SEPTIN5: variants seen among roughly 807,000 people sequenced by gnomAD.
The protein encoded by SEPTIN5 is septin-5.
SEPTIN5 carries 16 observed loss-of-function variants against 51.2 expected under a neutral mutation model. The observed-to-expected ratio is 0.31, with a 90% confidence interval of 0.21 to 0.47. The LOEUF (loss-of-function observed/expected upper bound fraction) is 0.47. Ranked by LOEUF, SEPTIN5 falls within the 20% of genes least tolerant of loss-of-function variation. The pLI, the probability that SEPTIN5 is intolerant of heterozygous loss-of-function variation, is 0.99. For missense variants in SEPTIN5, 376 were observed against 500.3 expected, an observed-to-expected ratio of 0.75 and a Z score of 2.37; for synonymous variants, 208 against 191.2, an observed-to-expected ratio of 1.09 and a Z score of -0.72.
intron 2 of SEPTIN5, chr22:19,718,190 C>T (rs1178266931): frequency 1.3e-5 from 2 of 158,854 alleles, no homozygotes; most frequent in Non-Finnish European, 2.7e-5. Context: ...TACCGACTCC[C>T]GGCCCGCCCC....
chr22:19,718,906 C>A, intron 2 of SEPTIN5: 1 of 1,194,524 alleles, frequency 8.4e-7, no homozygotes. Flanking sequence ...CGCGCCACGG[C>A]CCGCCAGCGC....
intron 11 of SEPTIN5, 43 bp from the exon 12 acceptor site, chr22:19,722,385 C>T: frequency 6.3e-7 from 1 of 1,593,764 alleles, no homozygotes; most frequent in Non-Finnish European, 8.5e-7. Context: ...CAGGGATGCT[C>T]CTCCGCGGTG....
intron 8 of SEPTIN5, 61 bp from the exon 9 acceptor site, chr22:19,721,579 C>G: frequency 1.3e-6 from 2 of 1,569,522 alleles, no homozygotes; most frequent in East Asian, 4.5e-5. Context: ...ATGCCCGTTT[C>G]CCATCAGTAA....
At position 19,716,262 on chromosome 22, in the gene SEPTIN5, G is replaced by A. The variant is rs538829406; in HGVS notation, c.54+1471G>A. Among the ~76,000 whole-genome samples, 11 of 152,352 alleles carry A rather than the reference G, an allele frequency of 7.2e-5. No individual in the cohort carries two copies. The South Asian group carries it at 2.3e-3, about 32-fold the overall frequency. The stretch of plus-strand genomic sequence containing the variant: ...AGGTGTCTGGGTGACCAGTGGGTCT[G>A]GGGGAGCTGGAAGCACATGGCAGCT... On this transcript the variant is annotated intron_variant, in intron 2 of 11. Coordinates refer to ENST00000455784, the MANE Select transcript of SEPTIN5 (RefSeq NM_002688.6).
rs1601235941 is a variant in SEPTIN5 at position 19,714,543 on chromosome 22, G to A, written c.-46G>A. ...CTCGGCCTCCGCCGCTTGTCGTCGC[G>A]CCCCGCCCGCGAGCCCGCCCCGCAC... On this transcript the variant is annotated 5_prime_UTR_variant, in exon 1 of 12. Transcript: ENST00000455784. The surrounding 1 kb of genome is among the most constrained non-coding windows in gnomAD (Gnocchi z 5.2). 7.6e-7 allele frequency: 1 copy of A among 1,319,090 alleles called. No individual in the cohort carries two copies. The highest frequency in any genetic ancestry group is 1.6e-5 in the African/African-American group (1 of 64,200). The allele number at this position is 1,319,090 out of a possible 1,614,324, so 81.7% of individuals were successfully genotyped here.
At position 19,719,910 on chromosome 22, in the gene SEPTIN5, G is replaced by A. The variant is rs745349234; in HGVS notation, c.238+18G>A. The A allele has an allele frequency of 5.0e-6, 8 of 1,611,906 alleles. No individual in the cohort carries two copies. The highest frequency in any genetic ancestry group is 6.8e-6 in the Non-Finnish European group (8 of 1,179,628). ...TGCTGAGGGTGAGTGGCCCCCAGGAGGCCCTGGCACTGATCCCCAGTCCCC... is the reference window on the plus strand; with the variant it reads ...TGCTGAGGGTGAGTGGCCCCCAGGAAGCCCTGGCACTGATCCCCAGTCCCC... On this transcript the variant is annotated intron_variant, in intron 4 of 11. Coordinates refer to ENST00000455784, the MANE Select transcript of SEPTIN5 (RefSeq NM_002688.6).
intron 2 of SEPTIN5, chr22:19,718,577 C>T: frequency 1.6e-6 from 2 of 1,290,054 alleles, no homozygotes; most frequent in South Asian, 3.3e-5. Flanking sequence ...CCCGGGTAGG[C>T]GACGTGCCCT....
intron 10 of SEPTIN5, 23 bp from the exon 11 acceptor site, chr22:19,722,214 A>AACGCCC: frequency 1.1e-6 from 1 of 903,764 alleles, no homozygotes; most frequent in Non-Finnish European, 1.7e-6. Flanking sequence ...CGCCCCGCCC[A>AACGCCC]TCCTCCCCCC....
intron 8 of SEPTIN5, 34 bp downstream of exon 8, chr22:19,720,903 G>A (rs752682904): frequency 1.7e-5 from 27 of 1,575,580 alleles, no homozygotes; most frequent in Non-Finnish European, 2.4e-5. Flanking sequence ...AGGGGGGATG[G>A]AGCTGGTGAG....
In SEPTIN5 at chr22:19,718,521, G is replaced by A. The variant is rs1449800641; in HGVS notation, c.55-1081G>A. 3 of 1,272,218 alleles carry A rather than the reference G, an allele frequency of 2.4e-6. 1 individual carries two copies. Among genetic ancestry groups the A allele is most frequent in the African/African-American group, 3.0e-5 (2 of 65,620 alleles). The allele number at this position is 1,272,218 out of a possible 1,614,324, so 78.8% of individuals were successfully genotyped here. The stretch of plus-strand genomic sequence containing the variant: ...CGCCGCCACAGCTTGGGGCCAGTTC[G>A]CCCAGTCAGGGGGATGGCTCGGTCG... On this transcript the variant is annotated intron_variant, in intron 2 of 11. Transcript: ENST00000455784.
In SEPTIN5 at chr22:19,722,575, A is replaced by ACAGCCCC. The variant is rs1936069644; in HGVS notation, c.*96_*102dup. ...GTTCCCGACCCGGAGACGCGGGGCCACAGCCCCCAGCTGACCCTAATTTAT... is the reference window on the plus strand; with the variant it reads ...GTTCCCGACCCGGAGACGCGGGGCCACAGCCCCCAGCCCCCAGCTGACCCTAATTTAT... On this transcript the variant is annotated 3_prime_UTR_variant, in exon 12 of 12. Coordinates refer to ENST00000455784, the MANE Select transcript of SEPTIN5 (RefSeq NM_002688.6). 2 of 1,347,490 alleles carry ACAGCCCC rather than the reference A, an allele frequency of 1.5e-6. No homozygotes were observed. The allele number at this position is 1,347,490 out of a possible 1,614,324, so 83.5% of individuals were successfully genotyped here.
intron 7 of SEPTIN5, 36 bp downstream of exon 7, chr22:19,720,702 C>T (rs377155249): frequency 6.2e-7 from 1 of 1,612,166 alleles, no homozygotes; most frequent in Non-Finnish European, 8.5e-7. Context: ...TGGCCAGGGC[C>T]CTGGGGCTGA....
Position 19,718,721 on chromosome 22 carries a change from C to T in SEPTIN5, c.55-881C>T, listed in dbSNP as rs752759224. The T allele has an allele frequency of 2.8e-5, 35 of 1,248,570 alleles. No individual in the cohort carries two copies. In the Admixed American group the frequency reaches 1.3e-3, roughly 46 times the overall value. 77.3% of individuals were successfully genotyped at this position (1,248,570 alleles called of 1,614,324 possible). ...CTGGGGTCCGAGCGTGCCCCCGGGC[C>T]TGGGGGGGTCGCCGCGATGGACTCG... On this transcript the variant is annotated intron_variant, in intron 2 of 11. Transcript: ENST00000455784.
At position 19,720,315 on chromosome 22, in the gene SEPTIN5, C is replaced by T. The variant is rs757887110; in HGVS notation, c.363-5C>T. On this transcript the variant is annotated splice_polypyrimidine_tract_variant and splice_region_variant and intron_variant, in intron 5 of 11. Coordinates refer to ENST00000455784, the MANE Select transcript of SEPTIN5 (RefSeq NM_002688.6). ...GGCCTGGCCTCACCTCCCTCCTGCC[C>T]ACAGCTGGAAGCCCATCACCGACTA... 1.2e-6 allele frequency: 2 copies of T among 1,613,496 alleles called. No homozygotes were observed. The highest frequency in any genetic ancestry group is 1.3e-5 in the African/African-American group (1 of 74,952).
chr22:19,720,488 G>A (rs1392628136), intron 6 of SEPTIN5, 34 bp downstream of exon 6: 1 of 1,613,272 alleles, frequency 6.2e-7, no homozygotes, highest in Non-Finnish European at 8.5e-7. Context: ...GCTCGGGAGT[G>A]CAGCCCCTAC....
At chr22:19,722,215 T>G in intron 10 of SEPTIN5, 22 bp from the exon 11 acceptor site, 2 of 1,001,510 alleles carry the variant, frequency 2.0e-6, no homozygotes, top group Non-Finnish European at 3.0e-6. Context: ...GCCCCGCCCA[T>G]CCTCCCCCCC....
At chr22:19,718,613 C>T (rs748204952) in intron 2 of SEPTIN5, 1 of 1,290,792 alleles carries the variant, frequency 7.7e-7, no homozygotes, top group Non-Finnish European at 9.8e-7. Flanking sequence ...CCCGCGTCCG[C>T]AAAACGGGGT....
At chr22:19,717,503 A>ATCCCAC (rs1935930119) in intron 2 of SEPTIN5, 1 of 367,128 alleles carries the variant, frequency 2.7e-6, no homozygotes, top group Non-Finnish European at 5.5e-6. Flanking sequence ...GATGGGTCCC[A>ATCCCAC]TCCCACCCCC....
intron 4 of SEPTIN5, 30 bp downstream of exon 4, chr22:19,719,922 G>T: frequency 6.2e-7 from 1 of 1,610,668 alleles, no homozygotes; most frequent in East Asian, 2.2e-5. Flanking sequence ...CCCTGGCACT[G>T]ATCCCCAGTC....
Sources: gnomAD v4.1 joint callset for allele counts (sites outside exome capture counted in the v4.1 genomes callset) on GRCh38, gnomAD v4.1.1 for gene constraint, Gnocchi (gnomAD v3.1) non-coding constraint, MANE v1.5 for transcripts, NCBI Gene and HGNC (gene_info 2026-07-23, HGNC 2026-07-21) for gene names.